Variants in MALT1 observed in about 807,000 individuals in gnomAD.
The protein encoded by MALT1 is mucosa-associated lymphoid tissue lymphoma translocation protein 1.
Under a neutral mutation model 85.5 loss-of-function variants are expected in MALT1, and 36 were observed. The ratio of observed to expected loss-of-function variants is 0.42; its 90% CI spans 0.32 to 0.56. The LOEUF (loss-of-function observed/expected upper bound fraction) is 0.56. Among genes scored for constraint, MALT1 ranks in the 20% least tolerant of loss-of-function variants. The pLI is 0.10. For missense variants in MALT1, 716 were observed against 981.6 expected, an observed-to-expected ratio of 0.73 and a Z score of 3.62; for synonymous variants, 359 against 361.3, an observed-to-expected ratio of 0.99 and a Z score of 0.07.
chr18:58,671,769 C>G lies in MALT1; in HGVS notation c.126C>G (p.Ser42Arg). 4 of 1,264,596 alleles carry G rather than the reference C, an allele frequency of 3.2e-6. No individual in the cohort carries two copies. The highest frequency in any genetic ancestry group is 4.0e-6 in the Non-Finnish European group (4 of 1,005,954). The allele number at this position is 1,264,596 out of a possible 1,614,324, so 78.3% of individuals were successfully genotyped here. The part of the protein sequence containing the change: ...RLREPLLRRL[S>R]ELLDQAPEGR... ...GGGAGCCGCTGCTGCGGAGGCTCAG[C>G]GAGCTCCTGGATCAGGCGCCCGAGG... Residue 42 changes from serine to arginine, a missense_variant, in exon 1 of 17, where the codon AGC (serine) becomes AGG (arginine). This residue lies in a region of MALT1 where 80 missense variants were observed against 65.1 expected (regional missense o/e 1.23). Transcript: ENST00000649217.
intron 2 of MALT1, among the ~76,000 whole-genome samples, chr18:58,691,872 C>CAA (rs34428404): frequency 7.6e-4 from 102 of 134,750 alleles, no homozygotes; most frequent in South Asian, 2.6e-3. Context: ...GACTCCGTCT[C>CAA]AAAAAAAAAA....
rs75005845 is a variant in MALT1 at position 58,732,151 on chromosome 18, G to A, written c.1223-1246G>A. ...CCTGTCTAAATGGCTTTTACTATTT[G>A]CTTTAAAATACCCTGTAAAGAAATC... is the stretch of plus-strand genomic sequence containing the variant. On this transcript the variant is annotated intron_variant, in intron 10 of 16. Coordinates refer to ENST00000649217, the MANE Select transcript of MALT1 (RefSeq NM_006785.4). Among the ~76,000 whole-genome samples, 818 of 152,132 alleles carry A rather than the reference G, an allele frequency of 5.4e-3. 4 individuals carry two copies. Among genetic ancestry groups the A allele is most frequent in the Non-Finnish European group, 8.5e-3 (575 of 67,982 alleles).
rs542491410 is a variant in MALT1, at chr18:58,683,639, C to A, written c.376+2303C>A. ...ATTTTATATTTTTATTTTTGACAGG[C>A]CAGCAACTAATAAAGTGCCACCCTA... On this transcript the variant is annotated intron_variant, in intron 2 of 16. Transcript: ENST00000649217. Among the ~76,000 whole-genome samples the A allele has an allele frequency of 1.4e-4, 21 of 152,288 alleles. No homozygotes were observed. In the East Asian group the frequency reaches 4.0e-3, roughly 29 times the overall value.
At chr18:58,711,013 G>C in intron 7 of MALT1, 60 bp downstream of exon 7, 10 of 1,288,786 alleles carry the variant, frequency 7.8e-6, no homozygotes, top group Non-Finnish European at 1.1e-5. Flanking sequence ...CTTGGGATTG[G>C]TGGAGTGCTT....
chr18:58,696,704 C>T (rs535391157), intron 3 of MALT1, among the ~76,000 whole-genome samples: 13 of 152,192 alleles, frequency 8.5e-5, no homozygotes, highest in African/African-American at 2.6e-4. Flanking sequence ...ATTAGTTCTC[C>T]ACTCTAAAAA....
At chr18:58,708,823 A>G (rs906358125) in intron 4 of MALT1, among the ~76,000 whole-genome samples, 1 of 152,252 alleles carries the variant, frequency 6.6e-6, no homozygotes, top group Non-Finnish European at 1.5e-5. Context: ...CATAAAATTG[A>G]CAAGCTCTTT....
intron 4 of MALT1, among the ~76,000 whole-genome samples, chr18:58,704,121 A>C (rs2054712363): frequency 6.6e-6 from 1 of 152,232 alleles, no homozygotes. Flanking sequence ...AATATTATGA[A>C]TAAAGCTACG....
At chr18:58,726,812 C>T (rs2055061278) in intron 10 of MALT1, among the ~76,000 whole-genome samples, 2 of 152,200 alleles carry the variant, frequency 1.3e-5, no homozygotes, top group Non-Finnish European at 2.9e-5. Flanking sequence ...CTTAGTTGTG[C>T]TTTCGTGTAG....
At chr18:58,712,905 T>C (rs905473636) in intron 7 of MALT1, among the ~76,000 whole-genome samples, 1 of 152,150 alleles carries the variant, frequency 6.6e-6, no homozygotes, top group African/African-American at 2.4e-5. Context: ...TGATTAATGA[T>C]GAATACATGT....
At position 58,750,089 on chromosome 18, in the gene MALT1, A is replaced by C. The variant is rs1051682373; in HGVS notation, c.*2247A>C. On this transcript the variant is annotated 3_prime_UTR_variant, in exon 17 of 17. Transcript: ENST00000649217. ...ATTCACAGTTGATACATAGTTGTAT[A>C]TAGAAAATGCTAAAGAATCCATAAA... 3 of 188,136 alleles carry C rather than the reference A, an allele frequency of 1.6e-5. No individual in the cohort carries two copies. The highest frequency in any genetic ancestry group is 7.0e-5 in the African/African-American group (3 of 42,894). The allele number at this position is 188,136 out of a possible 1,614,324, so 11.7% of individuals were successfully genotyped here.
At chr18:58,688,871 C>A (rs959387429) in intron 2 of MALT1, among the ~76,000 whole-genome samples, 6 of 152,048 alleles carry the variant, frequency 3.9e-5, no homozygotes, top group African/African-American at 1.4e-4. Context: ...CACCAAGAGG[C>A]CGGTCATGGT....
chr18:58,703,359 A>T (rs2054701496), intron 4 of MALT1, among the ~76,000 whole-genome samples: 1 of 152,202 alleles, frequency 6.6e-6, no homozygotes, highest in Non-Finnish European at 1.5e-5. Context: ...TCCATCTCAA[A>T]AAAAAAGAAA....
At chr18:58,721,804 C>T (rs1602321676) in intron 9 of MALT1, among the ~76,000 whole-genome samples, 1 of 152,222 alleles carries the variant, frequency 6.6e-6, no homozygotes, top group African/African-American at 2.4e-5. Flanking sequence ...GTTTCAACTT[C>T]ATAAGAGTAG....
intron 3 of MALT1, among the ~76,000 whole-genome samples, chr18:58,699,540 C>T (rs1461779804): frequency 6.6e-6 from 1 of 152,106 alleles, no homozygotes; most frequent in Non-Finnish European, 1.5e-5. Context: ...TGCTTGAGAC[C>T]AGAAGTATTT....
Position 58,752,352 on chromosome 18 carries a change from T to C in MALT1, c.*4510T>C, listed in dbSNP as rs988577757. On this transcript the variant is annotated 3_prime_UTR_variant, in exon 17 of 17. Transcript: ENST00000649217. ...TCCTGACAATGTTGTTTCCTATTCC[T>C]TGAACATTCACCTGACGCTTATATA... 3.3e-5 allele frequency: 5 copies of C among 152,192 alleles called. No individual in the cohort carries two copies. Among genetic ancestry groups the C allele is most frequent in the African/African-American group, 1.2e-4 (5 of 41,436 alleles). 9.4% of individuals were successfully genotyped at this position (152,192 alleles called of 1,614,324 possible).
intron 11 of MALT1, 101 bp downstream of exon 11, chr18:58,733,675 AT>A (rs2055185544): frequency 1.0e-6 from 1 of 970,142 alleles, no homozygotes; most frequent in Non-Finnish European, 1.5e-6. Context: ...GCGTTTGTGA[AT>A]TTTAGTTTAT....
chr18:58,723,313 G>T, intron 10 of MALT1, 62 bp downstream of exon 10: 2 of 1,288,470 alleles, frequency 1.6e-6, no homozygotes, highest in Admixed American at 1.9e-5. Flanking sequence ...ATACAAGTTA[G>T]GTTAAGAATT....
At chr18:58,671,921 G>A in intron 1 of MALT1, 69 bp downstream of exon 1, 1 of 1,106,836 alleles carries the variant, frequency 9.0e-7, no homozygotes, top group Non-Finnish European at 1.1e-6. Context: ...GGAGGTGGGG[G>A]CGCTGTCGGT....
intron 2 of MALT1, among the ~76,000 whole-genome samples, chr18:58,686,005 A>C (rs1020862260): frequency 6.6e-6 from 1 of 150,456 alleles, no homozygotes; most frequent in African/African-American, 2.5e-5. Flanking sequence ...TGTGTAGTTC[A>C]AGGTGCTTTT....
Sources: allele counts gnomAD v4.1 joint callset (sites outside exome capture counted in the v4.1 genomes callset), GRCh38; gene constraint gnomAD v4.1.1; regional missense constraint gnomAD v4.1.1; transcripts MANE v1.5; gene names NCBI Gene and HGNC (gene_info 2026-07-23, HGNC 2026-07-21).